The following RBFOX1 variants were observed in gnomAD, a reference collection of about 807,000 sequenced individuals.
The protein encoded by RBFOX1 is RNA binding protein fox-1 homolog 1.
In RBFOX1, 8 loss-of-function variants were observed where a neutral mutation model predicts 57.7. The observed-to-expected ratio is 0.14, with a 90% CI of 0.08 to 0.25. The LOEUF is 0.25. RBFOX1 is among the 10% of genes least tolerant of loss of function. RBFOX1 has a pLI of 1.00. For missense variants in RBFOX1, 611 were observed against 548.5 expected, an observed-to-expected ratio of 1.11 and a Z score of -1.14; for synonymous variants, 326 against 222.4, an observed-to-expected ratio of 1.47 and a Z score of -4.15.
At chr16:6,291,265 A>G (rs1017199938) in intron 1 of RBFOX1, among the ~76,000 whole-genome samples, 25 of 152,144 alleles carry the variant, frequency 1.6e-4, no homozygotes, top group African/African-American at 5.6e-4. Flanking sequence ...AATGCAGCCC[A>G]GTAGGTCTCA....
chr16:6,639,681 C>T (rs1323514515), intron 2 of RBFOX1, among the ~76,000 whole-genome samples: 2 of 152,006 alleles, frequency 1.3e-5, no homozygotes, highest in East Asian at 1.9e-4. Context: ...TTGAGACCAT[C>T]CTGGCTAACA....
At chr16:6,944,483 A>G (rs930651545) in intron 3 of RBFOX1, among the ~76,000 whole-genome samples, 1 of 152,020 alleles carries the variant, frequency 6.6e-6, no homozygotes, top group Non-Finnish European at 1.5e-5. Flanking sequence ...ACTTATCTCC[A>G]CATAGGTGAC....
chr16:5,791,188 G>A (rs149137374), intron 3 of RBFOX1, among the ~76,000 whole-genome samples: 7 of 151,922 alleles, frequency 4.6e-5, no homozygotes, highest in South Asian at 4.1e-4. Context: ...AATTTGTCAC[G>A]CATGACTCAG....
intron 4 of RBFOX1, among the ~76,000 whole-genome samples, chr16:5,989,148 G>T (rs1421966754): frequency 1.4e-5 from 2 of 148,104 alleles, no homozygotes; most frequent in African/African-American, 5.0e-5. Flanking sequence ...GTGAAACCCT[G>T]TCTCTACTAA....
chr16:5,312,698 A>G (rs2064125103), intron 1 of RBFOX1, among the ~76,000 whole-genome samples: 1 of 152,222 alleles, frequency 6.6e-6, no homozygotes, highest in Admixed American at 6.5e-5. Context: ...ACAATTCTCA[A>G]AAGAAGACAT....
At chr16:6,799,456 G>C (rs2084848646) in intron 3 of RBFOX1, among the ~76,000 whole-genome samples, 1 of 152,158 alleles carries the variant, frequency 6.6e-6, no homozygotes, top group African/African-American at 2.4e-5. Context: ...AGTTCCCAGA[G>C]CCATTCATGA....
chr16:6,822,814 C>A (rs1327555623), intron 3 of RBFOX1, among the ~76,000 whole-genome samples: 1 of 152,152 alleles, frequency 6.6e-6, no homozygotes, highest in Non-Finnish European at 1.5e-5. Flanking sequence ...CAGGTTAAGC[C>A]TTTTGAGAGC....
intron 4 of RBFOX1, among the ~76,000 whole-genome samples, chr16:5,974,799 G>A (rs780890113): frequency 1.3e-5 from 2 of 151,484 alleles, no homozygotes; most frequent in East Asian, 2.0e-4. Context: ...ACCTGAGGTC[G>A]GGAGTTCCAG....
intron 2 of RBFOX1, among the ~76,000 whole-genome samples, chr16:6,414,266 C>T (rs1408728527): frequency 6.6e-6 from 1 of 152,180 alleles, no homozygotes; most frequent in African/African-American, 2.4e-5. Flanking sequence ...GTCAAGTCAC[C>T]TAATGTACTT....
chr16:7,329,052 C>A (rs1055194252), intron 4 of RBFOX1, among the ~76,000 whole-genome samples: 1 of 152,146 alleles, frequency 6.6e-6, no homozygotes, highest in African/African-American at 2.4e-5. Flanking sequence ...TGGCCACAAT[C>A]CTTCTTTGGT....
chr16:7,567,697 CTATATATAATCCCTA>C (rs1166133645), intron 5 of RBFOX1, among the ~76,000 whole-genome samples: 7 of 138,158 alleles, frequency 5.1e-5, no homozygotes, highest in Non-Finnish European at 9.2e-5. Flanking sequence ...ATATATATCC[CTATATATAATCCCTA>C]TATATATATA....
Position 6,217,174 on chromosome 16 carries a change from CT to C in RBFOX1, c.-126-99803del, listed in dbSNP as rs71142697. On this transcript the variant is annotated intron_variant, in intron 1 of 15. Transcript: ENST00000550418. ...CTCGTGTCTATTCATTTAGGGGATTCTTTTTTTTTTTTTTTTTTGTAGAATT... is the reference window on the plus strand; with the variant it reads ...CTCGTGTCTATTCATTTAGGGGATTCTTTTTTTTTTTTTTTTTGTAGAATT... Among the ~76,000 whole-genome samples, 430 of 119,058 alleles carry C rather than the reference CT, an allele frequency of 3.6e-3. 3 individuals are homozygous for C. The highest frequency in any genetic ancestry group is 0.013 in the African/African-American group (409 of 31,764). The allele number at this position is 119,058 out of a possible 152,430, so 78.1% of individuals were successfully genotyped here.
intron 7 of RBFOX1, among the ~76,000 whole-genome samples, chr16:7,589,987 T>C (rs2152914464): frequency 6.7e-6 from 1 of 148,830 alleles, no homozygotes; most frequent in Non-Finnish European, 1.5e-5. Context: ...ACTTAAGGGA[T>C]GGACGCAGTG....
In RBFOX1 at chr16:6,799,276, C is replaced by T. The variant is rs115907658; in HGVS notation, c.-16+144626C>T. Among the ~76,000 whole-genome samples the T allele has an allele frequency of 3.0e-3, 460 of 152,244 alleles. 4 individuals are homozygous for T. Among genetic ancestry groups the T allele is most frequent in the African/African-American group, 0.011 (449 of 41,544 alleles). ...CAGGGCCACCCCACAGGCCGAGTAG[C>T]ACTCCTGGATTGTTGGCTAGCTGTA... is the stretch of plus-strand genomic sequence containing the variant. On this transcript the variant is annotated intron_variant, in intron 3 of 15. Transcript: ENST00000550418.
Position 5,629,617 on chromosome 16 carries a change from C to T in RBFOX1, c.318+30656C>T, listed in dbSNP as rs561700861. Among the ~76,000 whole-genome samples the T allele has an allele frequency of 2.6e-5, 4 of 152,310 alleles. No individual in the cohort carries two copies. In the South Asian group the frequency reaches 8.3e-4, roughly 32 times the overall value. ...ATGCCTTCTGGTTTCCACAAGAGAT[C>T]TTGTCCGTGGTGCCTGCTTGGGGTC... On this transcript the variant is annotated intron_variant, in intron 3 of 19. Transcript: ENST00000641259.
intron 4 of RBFOX1, among the ~76,000 whole-genome samples, chr16:7,350,504 C>G (rs2097108830): frequency 6.6e-6 from 1 of 152,092 alleles, no homozygotes. Context: ...TGCAGAATTT[C>G]AAGTAGGAGA....
chr16:6,629,258 C>A (rs188590891), intron 2 of RBFOX1, among the ~76,000 whole-genome samples: 1 of 152,234 alleles, frequency 6.6e-6, no homozygotes, highest in African/African-American at 2.4e-5. Flanking sequence ...AACCTCATCC[C>A]ATTAGCATTG....
intron 2 of RBFOX1, chr16:6,574,004 G>A (rs1241028884): frequency 6.6e-6 from 1 of 152,316 alleles, no homozygotes; most frequent in African/African-American, 2.4e-5. Flanking sequence ...CGGGCGTTGA[G>A]GCAGCCAGCT....
chr16:5,550,465 G>A (rs1053444198), intron 2 of RBFOX1, among the ~76,000 whole-genome samples: 1 of 152,190 alleles, frequency 6.6e-6, no homozygotes, highest in Non-Finnish European at 1.5e-5. Context: ...GGCTGCCCAG[G>A]GGGGCAGTAG....
Sources: gnomAD v4.1 joint callset for allele counts (sites outside exome capture counted in the v4.1 genomes callset) on GRCh38, gnomAD v4.1.1 for gene constraint, MANE v1.5 for transcripts, NCBI Gene and HGNC (gene_info 2026-07-23, HGNC 2026-07-21) for gene names.